Variants in TATDN2 observed in about 807,000 individuals in gnomAD.
TATDN2 encodes 3'-5' RNA nuclease TATDN2.
TATDN2 carries 44 observed loss-of-function variants against 60.3 expected under a neutral mutation model. That is an observed-to-expected ratio of 0.73 (90% CI 0.57 to 0.94). The LOEUF (loss-of-function observed/expected upper bound fraction) is 0.94, where lower values mean the gene tolerates loss of function less well. TATDN2 is among the 40% of genes least tolerant of loss of function. The pLI is 0.00. For synonymous variants in TATDN2, 399 were observed against 355.8 expected (o/e 1.12, Z -1.37); for missense variants, 997 against 948.0 (o/e 1.05, Z -0.68).
chr3:10,271,826 T>C (rs572558639), intron 4 of TATDN2, among the ~76,000 whole-genome samples: 3 of 151,992 alleles, frequency 2.0e-5, no homozygotes, highest in African/African-American at 7.2e-5. Context: ...CCTCCTGGGT[T>C]CAAGCGATTC....
chr3:10,272,916 G>T (rs1335623200), intron 4 of TATDN2, among the ~76,000 whole-genome samples: 1 of 151,830 alleles, frequency 6.6e-6, no homozygotes, highest in Non-Finnish European at 1.5e-5. Flanking sequence ...GTACATGCCT[G>T]GGGTCCCAGC....
At chr3:10,270,106 C>A in intron 3 of TATDN2, 25 bp from the exon 4 acceptor site, 1 of 1,588,002 alleles carries the variant, frequency 6.3e-7, no homozygotes, top group South Asian at 1.2e-5. Flanking sequence ...GGCTAACCCA[C>A]TGTTGTATGC....
At chr3:10,277,290 T>G (rs1375120529) in intron 5 of TATDN2, among the ~76,000 whole-genome samples, 1 of 152,250 alleles carries the variant, frequency 6.6e-6, no homozygotes, top group Admixed American at 6.5e-5. Context: ...TCTGAACTTC[T>G]GAACTCTTGC....
In TATDN2 at chr3:10,278,053, G is replaced by A. The variant is rs931266828; in HGVS notation, c.1962-226G>A. Reference sequence around the variant, plus strand: ...ATCTCAGGGGACTGCAGAGCACTCTGTGGTGTGCGTGGTATCTCTGAGTGA... The same window carrying A: ...ATCTCAGGGGACTGCAGAGCACTCTATGGTGTGCGTGGTATCTCTGAGTGA... On this transcript the variant is annotated intron_variant, in intron 5 of 7. Transcript: ENST00000448281. This position sits in a 1 kb window ranked among gnomAD's most constrained non-coding sequence, Gnocchi z 4.7. 5.3e-5 allele frequency among the ~76,000 whole-genome samples: 8 copies of A among 152,128 alleles called. No individual in the cohort carries two copies.
intron 3 of TATDN2, among the ~76,000 whole-genome samples, chr3:10,264,250 G>A (rs552709367): frequency 5.3e-5 from 8 of 152,180 alleles, no homozygotes; most frequent in East Asian, 1.9e-4. Flanking sequence ...GCCCAGTACC[G>A]CGAGTGCCTG....
Position 10,249,239 on chromosome 3 carries a change from C to T in TATDN2, c.39C>T (p.Ser13=). ...GGGGCAAGGTCAAGCACAACTGGAGCAGCACGTCGGAAGGGTGTCCCCGCA... is the reference window on the plus strand; with the variant it reads ...GGGGCAAGGTCAAGCACAACTGGAGTAGCACGTCGGAAGGGTGTCCCCGCA... ...SERGKVKHNW[S]STSEGCPRKR... is the part of the protein sequence containing the mutation. The change falls in exon 2 of 8, where the codon AGC becomes AGT. Residue 13 remains serine, a synonymous_variant. Coordinates refer to ENST00000448281, the MANE Select transcript of TATDN2 (RefSeq NM_014760.4). 1.3e-6 allele frequency: 2 copies of T among 1,553,788 alleles called. No homozygotes were observed. The highest frequency in any genetic ancestry group is 1.7e-6 in the Non-Finnish European group (2 of 1,148,006).
intron 3 of TATDN2, among the ~76,000 whole-genome samples, chr3:10,267,226 A>G (rs917521432): frequency 2.0e-5 from 3 of 151,732 alleles, no homozygotes; most frequent in Non-Finnish European, 2.9e-5. Flanking sequence ...CGGCTGAGAC[A>G]GTCTTGAATA....
chr3:10,261,652 G>A (rs2125175135), intron 3 of TATDN2, among the ~76,000 whole-genome samples: 1 of 152,282 alleles, frequency 6.6e-6, no homozygotes, highest in East Asian at 1.9e-4. Flanking sequence ...ACAGGCATGA[G>A]CCACTGTGCC....
intron 5 of TATDN2, among the ~76,000 whole-genome samples, chr3:10,277,680 G>A (rs1295815421): frequency 6.6e-6 from 1 of 152,084 alleles, no homozygotes; most frequent in Non-Finnish European, 1.5e-5. Flanking sequence ...TTTCTGGGTC[G>A]GTTGGTTTTT....
At chr3:10,275,561 A>G (rs141383071) in intron 4 of TATDN2, among the ~76,000 whole-genome samples, 2,769 of 152,154 alleles carry the variant, frequency 0.018, 73 homozygotes, top group African/African-American at 0.063. Context: ...CCTGACCAAC[A>G]TGGCGAAACC....
intron 2 of TATDN2, among the ~76,000 whole-genome samples, chr3:10,259,876 TGA>T (rs1397115629): frequency 6.6e-6 from 1 of 152,206 alleles, no homozygotes; most frequent in Non-Finnish European, 1.5e-5. Flanking sequence ...TCTGGTTTAA[TGA>T]GAGTGTTCAT....
rs146505167 is a variant in TATDN2, at chr3:10,266,905, T to C, written c.949-3226T>C. Among the ~76,000 whole-genome samples, 43 of 149,468 alleles carry C rather than the reference T, an allele frequency of 2.9e-4. No individual in the cohort carries two copies. The East Asian group carries it at 4.0e-3, about 14-fold the overall frequency. On this transcript the variant is annotated intron_variant, in intron 3 of 7. Transcript: ENST00000448281. ...ATAAATGTAACTTTAAATTTTACCATACAGGCTTAAACTAACTAAGGCAGT... is the reference window on the plus strand; with the variant it reads ...ATAAATGTAACTTTAAATTTTACCACACAGGCTTAAACTAACTAAGGCAGT...
At chr3:10,268,696 CA>C (rs1399678134) in intron 3 of TATDN2, among the ~76,000 whole-genome samples, 1 of 152,122 alleles carries the variant, frequency 6.6e-6, no homozygotes, top group Non-Finnish European at 1.5e-5. Context: ...AAATGCTACC[CA>C]GTTGATGGAG....
Position 10,278,994 on chromosome 3 carries a change from G to A in TATDN2, c.2255G>A (p.Arg752His), listed in dbSNP as rs1314028480. 7.4e-6 allele frequency: 12 copies of A among 1,614,248 alleles called. No homozygotes were observed. Among genetic ancestry groups the A allele is most frequent in the South Asian group, 2.2e-5 (2 of 91,086 alleles). The part of the protein sequence containing the change: ...QPLSLTLAAL[R>H]ENTSRLYSL ...CTCTCCCTCACCTTGGCTGCCTTGC[G>A]TGAGAACACCAGTCGCCTCTACAGT... Residue 752 changes from arginine (R) to histidine (H), a missense_variant, in exon 7 of 8, where the codon CGT becomes CAT. Arg to His is a conservative substitution (Grantham distance 29, BLOSUM62 0). Coordinates refer to ENST00000448281, the MANE Select transcript of TATDN2 (RefSeq NM_014760.4). This position sits in a 1 kb window ranked among gnomAD's most constrained non-coding sequence, Gnocchi z 4.7.
chr3:10,260,197 G>A lies in TATDN2; in HGVS notation c.475G>A (p.Gly159Ser), dbSNP rs1698378770. Residue 159 changes from glycine (G) to serine (S), a missense_variant, in exon 3 of 8, where the codon GGT (glycine) becomes AGT (serine). Gly to Ser is a moderately conservative substitution (Grantham distance 56). Transcript: ENST00000448281. ...TNSEFAAEAE[G>S]QNDTIEEPNK... ...CTCTGAATTTGCAGCTGAAGCTGAGGGTCAGAATGATACAATTGAGGAACC... is the reference window on the plus strand; with the variant it reads ...CTCTGAATTTGCAGCTGAAGCTGAGAGTCAGAATGATACAATTGAGGAACC... The A allele has an allele frequency of 6.2e-7, 1 of 1,614,034 alleles. No individual in the cohort carries two copies. The highest frequency in any genetic ancestry group is 1.3e-5 in the African/African-American group (1 of 74,910).
intron 2 of TATDN2, among the ~76,000 whole-genome samples, chr3:10,254,143 C>T (rs910068212): frequency 2.2e-4 from 34 of 152,166 alleles, no homozygotes; most frequent in African/African-American, 7.2e-4. Flanking sequence ...ACACGTGGAA[C>T]ACCAGGCTTG....
chr3:10,270,736 C>T lies in TATDN2; in HGVS notation c.1554C>T (p.Phe518=), dbSNP rs1192593882. The change falls in exon 4 of 8, where the codon TTC becomes TTT. Residue 518 remains phenylalanine (F), a synonymous_variant. Coordinates refer to ENST00000448281, the MANE Select transcript of TATDN2 (RefSeq NM_014760.4). The part of the protein sequence containing the change: ...KLSFQGTFTK[F]RKIYSSSFPK... ...CTTTCCAAGGGACCTTTACAAAGTT[C>T]AGAAAAATTTACAGCAGCTCCTTCC... 3 of 1,614,218 alleles carry T rather than the reference C, an allele frequency of 1.9e-6. No homozygotes were observed. Among genetic ancestry groups the T allele is most frequent in the South Asian group, 2.2e-5 (2 of 91,086 alleles).
At chr3:10,275,189 T>TG (rs1698617427) in intron 4 of TATDN2, among the ~76,000 whole-genome samples, 1 of 152,008 alleles carries the variant, frequency 6.6e-6, no homozygotes, top group Non-Finnish European at 1.5e-5. Flanking sequence ...TTTCACCATG[T>TG]TGGCCAGGCT....
chr3:10,252,112 C>T (rs1576002569), intron 2 of TATDN2, among the ~76,000 whole-genome samples: 1 of 141,794 alleles, frequency 7.1e-6, no homozygotes, highest in African/African-American at 2.6e-5. Flanking sequence ...CAAGGCACTG[C>T]ACTCCAGCCT....
Sources: allele counts gnomAD v4.1 joint callset (sites outside exome capture counted in the v4.1 genomes callset), GRCh38; gene constraint gnomAD v4.1.1; non-coding constraint Gnocchi (gnomAD v3.1); transcripts MANE v1.5; gene names NCBI Gene and HGNC (gene_info 2026-07-23, HGNC 2026-07-21).